Variants in UBE2F observed in about 807,000 individuals in gnomAD.
UBE2F encodes NEDD8-conjugating enzyme UBE2F.
Under a neutral mutation model 29.6 loss-of-function variants are expected in UBE2F, and 5 were observed. That is an observed-to-expected ratio of 0.17 (90% CI 0.09 to 0.36). UBE2F has a LOEUF of 0.36. Ranked by LOEUF, UBE2F falls within the 10% of genes least tolerant of loss-of-function variation. The probability of loss-of-function intolerance (pLI) is 1.00; values close to 1 mark genes in which losing one functional copy is unlikely to be tolerated. For synonymous variants in UBE2F, 66 were observed against 81.8 expected (o/e 0.81, Z 1.04); for missense variants, 141 against 228.5 (o/e 0.62, Z 2.47).
intron 4 of UBE2F, chr2:238,003,312 A>G (rs2063836290): frequency 4.3e-6 from 2 of 469,584 alleles, no homozygotes; most frequent in South Asian, 1.5e-5. Context: ...CTGCCAAAGC[A>G]TTCTCTTAAC....
intron 3 of UBE2F, among the ~76,000 whole-genome samples, chr2:237,991,037 C>G (rs1043044042): frequency 1.3e-5 from 2 of 152,106 alleles, no homozygotes; most frequent in Admixed American, 6.5e-5. Context: ...ACTTTAAAAA[C>G]AAGAAAATTT....
At position 237,967,026 on chromosome 2, in the gene UBE2F, G is replaced by A; in HGVS notation, c.-123G>A. On this transcript the variant is annotated 5_prime_UTR_variant, in exon 1 of 10. Transcript: ENST00000272930. This position sits in a 1 kb window ranked among gnomAD's most constrained non-coding sequence, Gnocchi z 6.3. ...TCCCCGCCCCGCCACTTCCGGTCCC[G>A]CCGCCGGGAGCCGGTGCGGCTGTGA... The A allele has an allele frequency of 1.6e-6, 2 of 1,276,570 alleles. No homozygotes were observed. Among genetic ancestry groups the A allele is most frequent in the Non-Finnish European group, 2.0e-6 (2 of 1,007,038 alleles). 79.1% of individuals were successfully genotyped at this position (1,276,570 alleles called of 1,614,324 possible).
intron 9 of UBE2F, among the ~76,000 whole-genome samples, chr2:238,038,970 C>G (rs1465297296): frequency 6.6e-6 from 1 of 152,216 alleles, no homozygotes; most frequent in Non-Finnish European, 1.5e-5. Context: ...CACCGTGGCT[C>G]ACGCCTGTAA....
chr2:238,004,910 C>CCATG (rs2063869444), intron 4 of UBE2F, among the ~76,000 whole-genome samples: 2 of 152,020 alleles, frequency 1.3e-5, no homozygotes, highest in Non-Finnish European at 1.5e-5. Context: ...GAGGAAGGGC[C>CCATG]CATGAGCCCT....
chr2:238,040,302 G>T lies in UBE2F; in HGVS notation c.508-986G>T, dbSNP rs770207100. Among the ~76,000 whole-genome samples, 1 of 152,230 alleles carries T rather than the reference G, an allele frequency of 6.6e-6. No individual in the cohort carries two copies. Among genetic ancestry groups the T allele is most frequent in the African/African-American group, 2.4e-5 (1 of 41,452 alleles). On this transcript the variant is annotated intron_variant, in intron 9 of 9. Coordinates refer to ENST00000272930, the MANE Select transcript of UBE2F (RefSeq NM_080678.3). The surrounding 1 kb of genome is among the most constrained non-coding windows in gnomAD (Gnocchi z 4.4). ...TCGCGGCAGCAGCGAGGTATACATC[G>T]AGTGCCAGGTTATACCCTGCACATT...
intron 3 of UBE2F, 27 bp from the exon 4 acceptor site, chr2:237,994,717 C>G (rs746967769): frequency 6.2e-7 from 1 of 1,606,740 alleles, no homozygotes; most frequent in Non-Finnish European, 8.5e-7. Flanking sequence ...ACTGCCAGAC[C>G]TTCCTGATGT....
intron 6 of UBE2F, among the ~76,000 whole-genome samples, chr2:238,029,783 G>A (rs1287466707): frequency 1.3e-5 from 2 of 152,174 alleles, no homozygotes; most frequent in Admixed American, 6.5e-5. Flanking sequence ...TCCTGTATAA[G>A]ACAGGGAAAC....
intron 4 of UBE2F, among the ~76,000 whole-genome samples, chr2:238,016,215 A>G (rs756323163): frequency 2.9e-4 from 44 of 152,294 alleles, no homozygotes; most frequent in Non-Finnish European, 4.4e-4. Flanking sequence ...TAAAGAAGTC[A>G]CTTAAGGCAT....
intron 2 of UBE2F, among the ~76,000 whole-genome samples, chr2:237,986,496 A>T (rs2063485104): frequency 6.6e-6 from 1 of 151,902 alleles, no homozygotes; most frequent in South Asian, 2.1e-4. Context: ...CCTTTATTGT[A>T]CAGAAGCTTT....
chr2:238,032,386 G>A (rs141368545), intron 8 of UBE2F, 132 bp downstream of exon 8: 22 of 753,208 alleles, frequency 2.9e-5, no homozygotes, highest in African/African-American at 1.2e-4. Context: ...AGTGGCTCAC[G>A]CCTGTAATCC....
chr2:237,999,397 T>C (rs887095633), intron 4 of UBE2F, among the ~76,000 whole-genome samples: 1 of 152,188 alleles, frequency 6.6e-6, no homozygotes, highest in Non-Finnish European at 1.5e-5. Context: ...GATGTGCAGT[T>C]TATCAGTTTT....
In UBE2F at chr2:238,025,179, G is replaced by T. The variant is rs913128438; in HGVS notation, c.283-163G>T. 7.8e-6 allele frequency: 5 copies of T among 641,054 alleles called. No individual in the cohort carries two copies. The African/African-American group carries it at 9.0e-5, about 11-fold the overall frequency. 39.7% of individuals were successfully genotyped at this position (641,054 alleles called of 1,614,324 possible). A position where few individuals can be genotyped will look rare whatever the true frequency, so the allele number is the denominator to read the frequency against. ...CATCAACACATGCCTCATGGGTGAG[G>T]TGAGCCAGTATTCAGGGTTGAACAC... On this transcript the variant is annotated intron_variant, in intron 5 of 9. Transcript: ENST00000272930.
intron 8 of UBE2F, chr2:238,032,786 AAAAT>A (rs1290222835): frequency 6.5e-6 from 1 of 153,074 alleles, no homozygotes; most frequent in Non-Finnish European, 1.5e-5. Flanking sequence ...AATAAATTAA[AAAAT>A]AGCCCACCGT....
intron 6 of UBE2F, chr2:238,028,911 G>A (rs974289224): frequency 5.1e-4 from 40 of 78,080 alleles, no homozygotes; most frequent in African/African-American, 1.7e-3. Flanking sequence ...AGGAAGCTTG[G>A]CAATAAATTA....
At chr2:238,028,029 G>A (rs778948091) in intron 6 of UBE2F, among the ~76,000 whole-genome samples, 2 of 152,242 alleles carry the variant, frequency 1.3e-5, no homozygotes, top group Non-Finnish European at 2.9e-5. Context: ...TTCTATTACA[G>A]TTCGTGGGGT....
At position 238,016,604 on chromosome 2, in the gene UBE2F, A is replaced by G. The variant is rs778194259; in HGVS notation, c.253A>G (p.Thr85Ala). ...YYQGGKFQFE[T>A]EVPDAYNMVP... ...CCAGGGTGGAAAATTTCAGTTTGAA[A>G]CTGAAGTTCCCGATGCGTACAACAT... Residue 85 changes from threonine to alanine, a missense_variant, in exon 5 of 10, where the codon ACT becomes GCT. Physicochemically the swap from Thr to Ala is moderately conservative, Grantham distance 58. Coordinates refer to ENST00000272930, the MANE Select transcript of UBE2F (RefSeq NM_080678.3). 6.2e-7 allele frequency: 1 copy of G among 1,612,778 alleles called. No individual in the cohort carries two copies. The highest frequency in any genetic ancestry group is 8.5e-7 in the Non-Finnish European group (1 of 1,179,534).
intron 4 of UBE2F, among the ~76,000 whole-genome samples, chr2:238,006,581 A>C (rs1168511909): frequency 2.0e-5 from 3 of 152,148 alleles, no homozygotes; most frequent in African/African-American, 7.2e-5. Context: ...TGGATTCTGT[A>C]GACTTTCCTA....
At chr2:238,021,301 C>T (rs751381595) in intron 5 of UBE2F, among the ~76,000 whole-genome samples, 5 of 152,270 alleles carry the variant, frequency 3.3e-5, no homozygotes, top group South Asian at 2.1e-4. Flanking sequence ...GCAGTGATGA[C>T]GACCACAAGT....
intron 4 of UBE2F, among the ~76,000 whole-genome samples, chr2:238,004,866 A>G (rs990557228): frequency 6.6e-6 from 1 of 152,202 alleles, no homozygotes; most frequent in Non-Finnish European, 1.5e-5. Context: ...GCACTGGCAG[A>G]AAGACTCACC....
Sources: gnomAD v4.1 joint callset for allele counts (sites outside exome capture counted in the v4.1 genomes callset) on GRCh38, gnomAD v4.1.1 for gene constraint, Gnocchi (gnomAD v3.1) non-coding constraint, MANE v1.5 for transcripts, NCBI Gene and HGNC (gene_info 2026-07-23, HGNC 2026-07-21) for gene names.